The following SCOC variants were observed in gnomAD, a reference collection of about 807,000 sequenced individuals.
The protein encoded by SCOC is short coiled-coil protein, also known as short coiled coil protein.
In SCOC, 7 loss-of-function variants were observed where a neutral mutation model predicts 9.9. That is an observed-to-expected ratio of 0.71 (90% CI 0.40 to 1.33). SCOC has a LOEUF of 1.33. Among genes scored for constraint, SCOC ranks in the 40% most tolerant of loss-of-function variants. SCOC has a pLI of 0.01. For missense variants in SCOC, 66 were observed against 89.7 expected (o/e 0.74, Z 1.07); for synonymous variants, 19 against 28.2 (o/e 0.67, Z 1.03).
rs1728638055 is a variant in SCOC at position 140,384,022 on chromosome 4, A to G, written c.*2918A>G. 1 of 152,222 alleles carries G rather than the reference A, an allele frequency of 6.6e-6. No individual in the cohort carries two copies. The highest frequency in any genetic ancestry group is 2.4e-5 in the African/African-American group (1 of 41,442). 9.4% of individuals were successfully genotyped at this position (152,222 alleles called of 1,614,324 possible). ...TTCCCCCCAATCTCCCCCACCTCAA[A>G]AATAATTTTGAACCTTTGCTGCTAT... On this transcript the variant is annotated 3_prime_UTR_variant, in exon 4 of 4. Coordinates refer to ENST00000608372, the MANE Select transcript of SCOC (RefSeq NM_001153484.2).
intron 1 of SCOC, among the ~76,000 whole-genome samples, chr4:140,326,677 C>T (rs1220346986): frequency 6.6e-6 from 1 of 152,102 alleles, no homozygotes; most frequent in Non-Finnish European, 1.5e-5. Context: ...AGAAAACAAA[C>T]CTCCCGTGGA....
chr4:140,272,905 A>G (rs1183277582), intron 1 of SCOC, among the ~76,000 whole-genome samples: 1 of 152,186 alleles, frequency 6.6e-6, no homozygotes, highest in Non-Finnish European at 1.5e-5. Context: ...GGTCTAAGAA[A>G]TGTTCTGATT....
At chr4:140,335,643 C>T (rs980682740) in intron 1 of SCOC, among the ~76,000 whole-genome samples, 1 of 152,126 alleles carries the variant, frequency 6.6e-6, no homozygotes, top group Non-Finnish European at 1.5e-5. Flanking sequence ...TGCATACACT[C>T]CAGATGTCAT....
intron 1 of SCOC, among the ~76,000 whole-genome samples, chr4:140,258,121 C>T (rs544019299): frequency 1.4e-4 from 21 of 152,326 alleles, no homozygotes; most frequent in Admixed American, 9.1e-4. Flanking sequence ...GAGCAGTCTG[C>T]GGAGGTGCTC....
intron 1 of SCOC, among the ~76,000 whole-genome samples, chr4:140,306,091 T>C (rs189284983): frequency 6.6e-6 from 1 of 152,126 alleles, no homozygotes; most frequent in Non-Finnish European, 1.5e-5. Flanking sequence ...GGGTAGTTTA[T>C]AAAGGAAAAA....
intron 1 of SCOC, among the ~76,000 whole-genome samples, chr4:140,279,192 A>G (rs1296648681): frequency 1.3e-5 from 2 of 152,156 alleles, no homozygotes; most frequent in African/African-American, 4.8e-5. Flanking sequence ...TAGTTCTTCT[A>G]TTCCTTTAGG....
At chr4:140,341,109 C>A (rs1005565129), upstream of SCOC, among the ~76,000 whole-genome samples, 3 of 151,862 alleles carry the variant, frequency 2.0e-5, no homozygotes, top group Admixed American at 6.6e-5. Flanking sequence ...CTTTTCATTC[C>A]CCCATCCATT....
chr4:140,313,321 T>C (rs530192027), intron 1 of SCOC, among the ~76,000 whole-genome samples: 2 of 152,170 alleles, frequency 1.3e-5, no homozygotes, highest in Non-Finnish European at 2.9e-5. Flanking sequence ...TCTAGCTCAC[T>C]GCAACCTCTG....
intron 1 of SCOC, among the ~76,000 whole-genome samples, chr4:140,310,982 T>C (rs1367863271): frequency 6.6e-6 from 1 of 152,234 alleles, no homozygotes; most frequent in Non-Finnish European, 1.5e-5. Context: ...GAGTGAGATG[T>C]ACCAAGTGTT....
chr4:140,383,675 A>T lies in SCOC; in HGVS notation c.*2571A>T, dbSNP rs1020533214. On this transcript the variant is annotated 3_prime_UTR_variant, in exon 4 of 4. Transcript: ENST00000608372. ...GAAGTAGAGATTGGGTGTTCACTCCATGGGAATTGTGAAGACAGTCCACTT... is the reference window on the plus strand; with the variant it reads ...GAAGTAGAGATTGGGTGTTCACTCCTTGGGAATTGTGAAGACAGTCCACTT... 4 of 152,150 alleles carry T rather than the reference A, an allele frequency of 2.6e-5. No individual in the cohort carries two copies. The highest frequency in any genetic ancestry group is 9.7e-5 in the African/African-American group (4 of 41,432). The allele number at this position is 152,150 out of a possible 1,614,324, so 9.4% of individuals were successfully genotyped here. A position where few individuals can be genotyped will look rare whatever the true frequency, so the allele number is the denominator to read the frequency against.
chr4:140,298,918 C>T (rs1318032996), intron 1 of SCOC, among the ~76,000 whole-genome samples: 2 of 152,154 alleles, frequency 1.3e-5, no homozygotes, highest in African/African-American at 4.8e-5. Flanking sequence ...TGGGGCCAAG[C>T]GATCCTCCCA....
intron 1 of SCOC, among the ~76,000 whole-genome samples, chr4:140,377,967 C>G (rs1728412879): frequency 6.6e-6 from 1 of 152,078 alleles, no homozygotes; most frequent in South Asian, 2.1e-4. Flanking sequence ...AATCTGTTTT[C>G]AGTAATAATC....
chr4:140,332,092 T>C (rs889593371), intron 1 of SCOC, among the ~76,000 whole-genome samples: 2 of 152,084 alleles, frequency 1.3e-5, no homozygotes, highest in Non-Finnish European at 2.9e-5. Flanking sequence ...ACAGCACTAG[T>C]GGGATGGTGC....
chr4:140,297,874 G>C (rs1001545203), intron 1 of SCOC, among the ~76,000 whole-genome samples: 4 of 152,106 alleles, frequency 2.6e-5, no homozygotes. Flanking sequence ...AGAAACCCCC[G>C]TTTCTTGGAT....
At chr4:140,285,558 C>T (rs1731242113) in intron 1 of SCOC, among the ~76,000 whole-genome samples, 1 of 152,186 alleles carries the variant, frequency 6.6e-6, no homozygotes, top group Admixed American at 6.5e-5. Flanking sequence ...ATTTTGTAAG[C>T]ATCTCTAGAT....
intron 1 of SCOC, among the ~76,000 whole-genome samples, chr4:140,313,846 G>C (rs867093780): frequency 3.9e-4 from 60 of 151,930 alleles, no homozygotes; most frequent in African/African-American, 1.4e-3. Flanking sequence ...ACATACAGTC[G>C]GCTAGGTGCG....
At chr4:140,275,906 C>T (rs1333104453) in intron 1 of SCOC, among the ~76,000 whole-genome samples, 7 of 150,514 alleles carry the variant, frequency 4.7e-5, no homozygotes, top group African/African-American at 1.5e-4. Flanking sequence ...TCACTGCAAC[C>T]TATGCCTCCC....
At chr4:140,368,072 C>A (rs1168550122) in intron 2 of SCOC, among the ~76,000 whole-genome samples, 1 of 152,196 alleles carries the variant, frequency 6.6e-6, no homozygotes, top group Non-Finnish European at 1.5e-5. Flanking sequence ...TGGTTAATTT[C>A]AAATATTTGA....
chr4:140,338,009 A>C (rs1315920825), intron 1 of SCOC, among the ~76,000 whole-genome samples: 1 of 152,240 alleles, frequency 6.6e-6, no homozygotes, highest in African/African-American at 2.4e-5. Context: ...AGAGAATTTT[A>C]GACCAATATC....
Sources: gnomAD v4.1 joint callset for allele counts (sites outside exome capture counted in the v4.1 genomes callset) on GRCh38, gnomAD v4.1.1 for gene constraint, MANE v1.5 for transcripts, NCBI Gene and HGNC (gene_info 2026-07-23, HGNC 2026-07-21) for gene names.